MGAT5: variants seen among roughly 807,000 people sequenced by gnomAD.
MGAT5 encodes alpha-1,6-mannosylglycoprotein 6-beta-N-acetylglucosaminyltransferase.
A neutral mutation model predicts 94.3 loss-of-function variants in MGAT5; 30 were observed. The ratio of observed to expected loss-of-function variants is 0.32; its 90% CI spans 0.24 to 0.43. The LOEUF is 0.43. Ranked by LOEUF, MGAT5 falls within the 20% of genes least tolerant of loss-of-function variation. The probability of loss-of-function intolerance (pLI) is 1.00; values close to 1 mark genes in which losing one functional copy is unlikely to be tolerated. For missense variants in MGAT5, 691 were observed against 905.5 expected (o/e 0.76, Z 3.04); for synonymous variants, 310 against 322.9 (o/e 0.96, Z 0.43).
At chr2:134,318,827 G>T (rs571024110) in intron 4 of MGAT5, 88 bp downstream of exon 4, 3 of 912,568 alleles carry the variant, frequency 3.3e-6, no homozygotes, top group Non-Finnish European at 5.3e-6. Context: ...GCTTGAAAAC[G>T]TGTGGTATTT....
chr2:134,230,155 C>T (rs1054312911), intron 1 of MGAT5, among the ~76,000 whole-genome samples: 1 of 152,196 alleles, frequency 6.6e-6, no homozygotes, highest in African/African-American at 2.4e-5. Flanking sequence ...AACTGTTCCA[C>T]CTCAGATCAT....
chr2:134,209,171 T>TTTTTTTTTTA (rs1278152643), intron 1 of MGAT5, among the ~76,000 whole-genome samples: 2 of 19,726 alleles, frequency 1.0e-4, no homozygotes, highest in Non-Finnish European at 1.4e-4. Flanking sequence ...TTTTTTTTTA[T>TTTTTTTTTTA]TTTTTTTTTT....
chr2:134,177,775 G>A (rs1046881793), intron 1 of MGAT5, among the ~76,000 whole-genome samples: 5 of 152,234 alleles, frequency 3.3e-5, no homozygotes, highest in Non-Finnish European at 7.3e-5. Context: ...GCAGTCAGCA[G>A]CACGGAATGG....
intron 1 of MGAT5, among the ~76,000 whole-genome samples, chr2:134,187,681 C>G (rs1028986064): frequency 4.6e-5 from 7 of 152,066 alleles, no homozygotes; most frequent in Admixed American, 1.3e-4. Context: ...TTGCTATGTC[C>G]CGAGTGTCTA....
At chr2:134,365,210 G>A (rs1254770809) in intron 10 of MGAT5, among the ~76,000 whole-genome samples, 2 of 152,148 alleles carry the variant, frequency 1.3e-5, no homozygotes, top group African/African-American at 2.4e-5. Flanking sequence ...GATTCCTGCT[G>A]TGCCATAAAT....
chr2:134,266,765 A>C (rs1683742583), intron 1 of MGAT5, among the ~76,000 whole-genome samples: 1 of 152,100 alleles, frequency 6.6e-6, no homozygotes, highest in African/African-American at 2.4e-5. Flanking sequence ...GTTTTTTATT[A>C]ACAACATCCT....
intron 1 of MGAT5, among the ~76,000 whole-genome samples, chr2:134,179,812 G>C (rs1440945379): frequency 6.6e-6 from 1 of 152,160 alleles, no homozygotes; most frequent in African/African-American, 2.4e-5. Flanking sequence ...TTTCCAGGAG[G>C]CAGGGCATTC....
At chr2:134,416,289 A>G (rs542994640) in intron 12 of MGAT5, among the ~76,000 whole-genome samples, 1 of 152,122 alleles carries the variant, frequency 6.6e-6, no homozygotes, top group East Asian at 1.9e-4. Context: ...CTAACTCCCC[A>G]TTCTCCCCAC....
chr2:134,383,229 G>A (rs377220919), intron 10 of MGAT5, among the ~76,000 whole-genome samples: 15 of 152,182 alleles, frequency 9.9e-5, no homozygotes, highest in African/African-American at 3.6e-4. Context: ...TGCATCAGAG[G>A]ATTTTTTCTA....
chr2:134,260,106 T>G (rs1683225043), intron 1 of MGAT5, among the ~76,000 whole-genome samples: 1 of 152,114 alleles, frequency 6.6e-6, no homozygotes. Flanking sequence ...GGGAGGCCAC[T>G]GTAGCTAGAA....
intron 1 of MGAT5, among the ~76,000 whole-genome samples, chr2:134,196,829 G>A (rs1679518690): frequency 6.6e-6 from 1 of 152,124 alleles, no homozygotes; most frequent in Admixed American, 6.5e-5. Context: ...GCGGCCCTTT[G>A]GTGAAGCCAA....
At chr2:134,426,988 A>G (rs1404604697) in intron 13 of MGAT5, among the ~76,000 whole-genome samples, 2 of 152,148 alleles carry the variant, frequency 1.3e-5, no homozygotes, top group Admixed American at 1.3e-4. Context: ...ACATTTGTGC[A>G]TTTGTTCAGC....
intron 1 of MGAT5, among the ~76,000 whole-genome samples, chr2:134,218,361 C>G (rs995718635): frequency 1.3e-5 from 2 of 152,150 alleles, no homozygotes; most frequent in Admixed American, 1.3e-4. Flanking sequence ...ACACCCTGTC[C>G]CAAAACTTAA....
rs557560834 is a variant in MGAT5, at chr2:134,188,199, C to T, written c.-142-66063C>T. Among the ~76,000 whole-genome samples the T allele has an allele frequency of 5.3e-4, 80 of 152,352 alleles. 1 individual carries two copies. The Middle Eastern group carries it at 0.014, about 26-fold the overall frequency. ...AGCACACATTCTTCCCTAAGGAAAT[C>T]GGCATGAGGCCATTCTGAGGTTGGA... On this transcript the variant is annotated intron_variant, in intron 1 of 16. Coordinates refer to the MGAT5 transcript ENST00000409645.
intron 2 of MGAT5, among the ~76,000 whole-genome samples, chr2:134,302,751 TG>T (rs1347237314): frequency 6.6e-6 from 1 of 151,128 alleles, no homozygotes; most frequent in African/African-American, 2.4e-5. Flanking sequence ...TGTGTGTGTG[TG>T]TGTGTGTGTG....
At chr2:134,374,209 C>A (rs1268923035) in intron 10 of MGAT5, among the ~76,000 whole-genome samples, 1 of 152,154 alleles carries the variant, frequency 6.6e-6, no homozygotes, top group African/African-American at 2.4e-5. Context: ...GGAAGTCTGA[C>A]CTCTTTCCGG....
At chr2:134,309,852 A>G (rs1282485899) in intron 2 of MGAT5, among the ~76,000 whole-genome samples, 2 of 152,214 alleles carry the variant, frequency 1.3e-5, no homozygotes, top group East Asian at 1.9e-4. Context: ...TGCTGGCTTA[A>G]CAGCTTAATT....
At chr2:134,201,060 G>A (rs898737685) in intron 1 of MGAT5, among the ~76,000 whole-genome samples, 2 of 152,006 alleles carry the variant, frequency 1.3e-5, no homozygotes, top group African/African-American at 4.8e-5. Flanking sequence ...GACTACAGGT[G>A]TGTGCCACTA....
At chr2:134,135,191 G>GT (rs1686347988) in intron 1 of MGAT5, among the ~76,000 whole-genome samples, 1 of 152,122 alleles carries the variant, frequency 6.6e-6, no homozygotes, top group African/African-American at 2.4e-5. Flanking sequence ...GACATTAAAT[G>GT]TATATGTTTG....
Sources: allele counts gnomAD v4.1 joint callset (sites outside exome capture counted in the v4.1 genomes callset), GRCh38; gene constraint gnomAD v4.1.1; transcripts MANE v1.5; gene names NCBI Gene and HGNC (gene_info 2026-07-23, HGNC 2026-07-21).